The following GALNTL6 variants were observed in gnomAD, a reference collection of about 807,000 sequenced individuals.
The protein encoded by GALNTL6 is polypeptide N-acetylgalactosaminyltransferase like 6.
In GALNTL6, 46 loss-of-function variants were observed where a neutral mutation model predicts 73.7. That is an observed-to-expected ratio of 0.62 (90% CI 0.49 to 0.80). The LOEUF is 0.80. Among genes scored for constraint, GALNTL6 ranks in the 30% least tolerant of loss-of-function variants. The pLI, the probability that GALNTL6 is intolerant of heterozygous loss-of-function variation, is 0.00. For synonymous variants in GALNTL6, 259 were observed against 263.7 expected (o/e 0.98, Z 0.17); for missense variants, 604 against 755.0 (o/e 0.80, Z 2.34).
chr4:172,101,835 C>T (rs1271041256), intron 2 of GALNTL6, among the ~76,000 whole-genome samples: 1 of 151,460 alleles, frequency 6.6e-6, no homozygotes, highest in Non-Finnish European at 1.5e-5. Flanking sequence ...TATTTTTATA[C>T]CTTTTGAAAA....
At chr4:172,095,208 AG>A (rs1309440720) in intron 2 of GALNTL6, among the ~76,000 whole-genome samples, 1 of 140,666 alleles carries the variant, frequency 7.1e-6, no homozygotes, top group African/African-American at 2.6e-5. Context: ...AATAAAAAAA[AG>A]AGAGATGATA....
chr4:172,602,496 T>TATGA (rs376432332), intron 5 of GALNTL6, among the ~76,000 whole-genome samples: 74,388 of 152,002 alleles, frequency 0.49, 19,665 homozygotes, highest in East Asian at 0.74. Context: ...TAAATTAGGT[T>TATGA]TAAATTATTT....
rs568396358 is a variant in GALNTL6 at position 172,735,674 on chromosome 4, A to G, written c.554-73687A>G. On this transcript the variant is annotated intron_variant, in intron 5 of 12. Transcript: ENST00000506823. ...ATATGGTTTGGCTATGTCTGCTTCC[A>G]AATCTCATCTTGAATTGTAGCTCCC... Among the ~76,000 whole-genome samples the G allele has an allele frequency of 3.3e-5, 5 of 152,278 alleles. No individual in the cohort carries two copies. In the East Asian group the frequency reaches 7.7e-4, roughly 24 times the overall value.
chr4:171,876,898 A>G (rs1736295586), intron 2 of GALNTL6, among the ~76,000 whole-genome samples: 1 of 152,144 alleles, frequency 6.6e-6, no homozygotes, highest in Non-Finnish European at 1.5e-5. Flanking sequence ...CGTTTGGGTG[A>G]TCTTCCAAAA....
chr4:173,015,431 A>G (rs1222774788), intron 11 of GALNTL6, among the ~76,000 whole-genome samples: 1 of 152,224 alleles, frequency 6.6e-6, no homozygotes, highest in South Asian at 2.1e-4. Context: ...AAAATGCAGG[A>G]AAGTTTGGAA....
chr4:171,988,400 C>A (rs370349067), intron 2 of GALNTL6, among the ~76,000 whole-genome samples: 11 of 152,070 alleles, frequency 7.2e-5, no homozygotes, highest in East Asian at 1.9e-4. Context: ...TGAAGCCTTG[C>A]GGCAGTACAG....
chr4:171,917,676 AG>A (rs1406930817), intron 2 of GALNTL6, among the ~76,000 whole-genome samples: 2 of 152,128 alleles, frequency 1.3e-5, no homozygotes, highest in African/African-American at 4.8e-5. Context: ...AAGGTCTGGG[AG>A]TCCCAAAACG....
intron 5 of GALNTL6, among the ~76,000 whole-genome samples, chr4:172,504,159 C>CAAAAAAAAAAAAAA (rs775200126): frequency 0.087 from 447 of 5,150 alleles, 206 homozygotes; most frequent in Non-Finnish European, 0.12. Flanking sequence ...GACTCTGTCT[C>CAAAAAAAAAAAAAA]AAAAAAAAAA....
chr4:172,428,509 C>T (rs1057306980), intron 5 of GALNTL6, among the ~76,000 whole-genome samples: 3 of 152,124 alleles, frequency 2.0e-5, no homozygotes, highest in African/African-American at 4.8e-5. Flanking sequence ...CTTGCATTAC[C>T]ATCAGTCCAC....
intron 5 of GALNTL6, among the ~76,000 whole-genome samples, chr4:172,411,637 A>G (rs1744440644): frequency 6.6e-6 from 1 of 151,720 alleles, no homozygotes; most frequent in Non-Finnish European, 1.5e-5. Context: ...AGTACAGCAC[A>G]CTGGAATATA....
intron 5 of GALNTL6, among the ~76,000 whole-genome samples, chr4:172,413,400 A>T (rs1013821646): frequency 1.3e-5 from 2 of 152,218 alleles, no homozygotes; most frequent in African/African-American, 4.8e-5. Flanking sequence ...CGTAACATAA[A>T]AATTGGGTCT....
intron 10 of GALNTL6, among the ~76,000 whole-genome samples, chr4:172,982,126 C>T (rs2126435103): frequency 6.6e-6 from 1 of 152,250 alleles, no homozygotes; most frequent in South Asian, 2.1e-4. Flanking sequence ...TCTTTTGATC[C>T]AAGAACACAG....
intron 10 of GALNTL6, among the ~76,000 whole-genome samples, chr4:172,978,766 A>G (rs1389640979): frequency 6.6e-6 from 1 of 152,242 alleles, no homozygotes; most frequent in Non-Finnish European, 1.5e-5. Context: ...ATAAGGCACA[A>G]TATGCAATGT....
intron 5 of GALNTL6, among the ~76,000 whole-genome samples, chr4:172,691,617 G>A (rs115048075): frequency 1.6e-4 from 25 of 152,192 alleles, no homozygotes; most frequent in African/African-American, 5.8e-4. Flanking sequence ...GGCCCACAGA[G>A]ATGGTCAGGC....
At chr4:172,829,491 A>G (rs975725680) in intron 7 of GALNTL6, among the ~76,000 whole-genome samples, 13 of 152,340 alleles carry the variant, frequency 8.5e-5, no homozygotes, top group African/African-American at 2.4e-4. Context: ...GTAAATGGGG[A>G]TGCAGGGCAT....
At position 172,726,873 on chromosome 4, in the gene GALNTL6, GC is replaced by G. The variant is rs1200927515; in HGVS notation, c.554-82487del. On this transcript the variant is annotated intron_variant, in intron 5 of 12. Coordinates refer to ENST00000506823, the MANE Select transcript of GALNTL6 (RefSeq NM_001034845.3). ...TCTCTAATAGTCCCTGCTTCTGTGA[GC>G]TTAACCACCATTTCAAGTGATCAAA... Among the ~76,000 whole-genome samples the G allele has an allele frequency of 3.3e-5, 5 of 152,148 alleles. No individual in the cohort carries two copies. In the East Asian group the frequency reaches 9.6e-4, roughly 29 times the overall value.
chr4:171,858,589 A>C (rs1204997001), intron 2 of GALNTL6, among the ~76,000 whole-genome samples: 2 of 152,218 alleles, frequency 1.3e-5, no homozygotes, highest in African/African-American at 2.4e-5. Flanking sequence ...GTAAGTAAAA[A>C]CCAACATTAT....
chr4:172,171,359 G>C (rs1734818139), intron 2 of GALNTL6, among the ~76,000 whole-genome samples: 1 of 152,024 alleles, frequency 6.6e-6, no homozygotes, highest in Non-Finnish European at 1.5e-5. Context: ...GAATTAAATA[G>C]TATCATAAAA....
intron 2 of GALNTL6, among the ~76,000 whole-genome samples, chr4:171,974,864 T>C (rs548629890): frequency 6.6e-6 from 1 of 152,340 alleles, no homozygotes; most frequent in East Asian, 1.9e-4. Context: ...TTCTATGATA[T>C]GTTATGGTTG....
Sources: allele counts gnomAD v4.1 joint callset (sites outside exome capture counted in the v4.1 genomes callset), GRCh38; gene constraint gnomAD v4.1.1; transcripts MANE v1.5; gene names NCBI Gene and HGNC (gene_info 2026-07-23, HGNC 2026-07-21).